The following NADK variants were observed in gnomAD, a reference collection of about 807,000 sequenced individuals.
The protein encoded by NADK is NAD kinase, also known as poly(P)/ATP NAD kinase.
A neutral mutation model predicts 49.8 loss-of-function variants in NADK; 22 were observed. The observed-to-expected ratio is 0.44, with a 90% CI of 0.32 to 0.63. The LOEUF is 0.63. Among genes scored for constraint, NADK ranks in the 30% least tolerant of loss-of-function variants. The probability of loss-of-function intolerance (pLI) is 0.06; values close to 1 mark genes in which losing one functional copy is unlikely to be tolerated. For missense variants in NADK, 438 were observed against 609.4 expected (o/e 0.72, Z 2.96); for synonymous variants, 268 against 253.7 (o/e 1.06, Z -0.54).
chr1:1,753,014 G>C lies in NADK; in HGVS notation c.1231C>G (p.Arg411Gly). 1.2e-6 allele frequency: 2 copies of C among 1,609,350 alleles called. No homozygotes were observed. Among genetic ancestry groups the C allele is most frequent in the Non-Finnish European group, 1.7e-6 (2 of 1,178,162 alleles). Residue 411 changes from arginine (R) to glycine (G), a missense_variant, in exon 12 of 12, where the codon CGG becomes GGG. Coordinates refer to ENST00000341426, the MANE Select transcript of NADK (RefSeq NM_023018.5). ...SCYPLPSICV[R>G]DPVSDWFESL... is the part of the protein sequence containing the mutation. ...TCAAACCAGTCGCTCACGGGGTCCC[G>C]CACACAGATGGAGGGGAGCGGGTAG...
At chr1:1,776,359 A>T (rs2100393938) in intron 1 of NADK, among the ~76,000 whole-genome samples, 1 of 152,320 alleles carries the variant, frequency 6.6e-6, no homozygotes, top group South Asian at 2.1e-4. Context: ...TAGCCTGGAA[A>T]TCTAACTGCT....
chr1:1,769,969 CAAAACA>C (rs143674742), intron 1 of NADK, among the ~76,000 whole-genome samples: 56,992 of 147,098 alleles, frequency 0.39, 11,252 homozygotes, highest in Middle Eastern at 0.5. Context: ...TCCCAGCACT[CAAAACA>C]AAAACAAAAA....
Position 1,757,172 on chromosome 1 carries a change from C to CCAG in NADK, c.393+8_393+9insCTG. The CCAG allele has an allele frequency of 1.9e-6, 3 of 1,608,952 alleles. No individual in the cohort carries two copies. The highest frequency in any genetic ancestry group is 2.5e-6 in the Non-Finnish European group (3 of 1,177,462). On this transcript the variant is annotated intron_variant, in intron 4 of 11. Coordinates refer to ENST00000341426, the MANE Select transcript of NADK (RefSeq NM_023018.5). Reference sequence around the variant, plus strand: ...CACCCCAGGCCCCCTTCCCCCCTGCCCCGCGTGCCTCCATGAGGTGCGTGC... The same window carrying CCAG: ...CACCCCAGGCCCCCTTCCCCCCTGCCCAGCCGCGTGCCTCCATGAGGTGCGTGC...
chr1:1,754,434 C>G lies in NADK; in HGVS notation c.844-51G>C. The G allele has an allele frequency of 1.2e-6, 2 of 1,609,340 alleles. No individual in the cohort carries two copies. Among genetic ancestry groups the G allele is most frequent in the Non-Finnish European group, 1.7e-6 (2 of 1,176,672 alleles). On this transcript the variant is annotated intron_variant, in intron 8 of 11. Coordinates refer to ENST00000341426, the MANE Select transcript of NADK (RefSeq NM_023018.5). The surrounding 1 kb of genome is among the most constrained non-coding windows in gnomAD (Gnocchi z 4.3). ...TCAGGGCGGGGGATGCCGCACGGCT[C>G]GCAGACACCCTCCGTCTCACCCAGC...
intron 4 of NADK, 118 bp downstream of exon 4, chr1:1,757,063 A>C: frequency 6.9e-7 from 1 of 1,445,200 alleles, no homozygotes; most frequent in South Asian, 1.2e-5. Flanking sequence ...AGTTCCAGAC[A>C]AGCAGCCGTT....
Position 1,776,612 on chromosome 1 carries a change from A to G in NADK, c.-41+1677T>C, listed in dbSNP as rs754426972. 1.2e-3 allele frequency among the ~76,000 whole-genome samples: 182 copies of G among 152,142 alleles called. 1 individual carries two copies. The highest frequency in any genetic ancestry group is 1.1e-3 in the Non-Finnish European group (76 of 67,990). On this transcript the variant is annotated intron_variant, in intron 1 of 11. Transcript: ENST00000341426. The stretch of plus-strand genomic sequence containing the variant: ...AACACAGTGAAACCCGTCTCTACTA[A>G]AAATACAAAAATTAGCTGAGCGTGG...
chr1:1,756,557 C>T lies in NADK; in HGVS notation c.445G>A (p.Ala149Thr), dbSNP rs200152611. 333 of 1,614,074 alleles carry T rather than the reference C, an allele frequency of 2.1e-4. 6 individuals are homozygous for T. In the South Asian group the frequency reaches 3.3e-3, roughly 16 times the overall value. ...ACTGCCCCAAAGCTTTCATCGCTGG[C>T]GATGGCAGGGTCTTCTAGCACTTTC... ...EKKVLEDPAI[A>T]SDESFGAVKK... The change falls in exon 5 of 12, where the codon GCC (alanine) becomes ACC (threonine). Residue 149 changes from alanine to threonine, a missense_variant. Coordinates refer to ENST00000341426, the MANE Select transcript of NADK (RefSeq NM_023018.5).
intron 1 of NADK, among the ~76,000 whole-genome samples, chr1:1,771,373 C>T (rs1237328044): frequency 6.6e-6 from 1 of 152,102 alleles, no homozygotes; most frequent in Non-Finnish European, 1.5e-5. Flanking sequence ...AAGCAGGCTT[C>T]TCTAAAGGAA....
rs1646265183 is a variant in NADK at position 1,778,110 on chromosome 1, GT to G, written c.-41+178del. On this transcript the variant is annotated intron_variant, in intron 1 of 11. Transcript: ENST00000341426. The surrounding 1 kb of genome is among the most constrained non-coding windows in gnomAD (Gnocchi z 4.9). The stretch of plus-strand genomic sequence containing the variant: ...CCAAGGCCGAGCCTCGCCCTGGGCC[GT>G]GCTGGTGCCCCATTCGGGACGGAGC... Among the ~76,000 whole-genome samples, 1 of 152,180 alleles carries G rather than the reference GT, an allele frequency of 6.6e-6. No individual in the cohort carries two copies. Among genetic ancestry groups the G allele is most frequent in the Non-Finnish European group, 1.5e-5 (1 of 68,022 alleles).
At chr1:1,755,302 A>AC (rs1557835251) in intron 7 of NADK, 72 bp downstream of exon 7, 8 of 1,055,234 alleles carry the variant, frequency 7.6e-6, no homozygotes, top group Non-Finnish European at 7.3e-6. Flanking sequence ...ATGAAAATAA[A>AC]CCCCCCGCAA....
At position 1,753,017 on chromosome 1, in the gene NADK, C is replaced by T; in HGVS notation, c.1228G>A (p.Val410Met). 1 of 1,610,652 alleles carries T rather than the reference C, an allele frequency of 6.2e-7. No individual in the cohort carries two copies. The highest frequency in any genetic ancestry group is 2.2e-5 in the East Asian group (1 of 44,774). ...AACCAGTCGCTCACGGGGTCCCGCA[C>T]ACAGATGGAGGGGAGCGGGTAGCAT... is the stretch of plus-strand genomic sequence containing the variant. The part of the protein sequence containing the change: ...TSCYPLPSIC[V>M]RDPVSDWFES... The change falls in exon 12 of 12, where the codon GTG (valine) becomes ATG (methionine). Residue 410 changes from valine (V) to methionine (M), a missense_variant. By Grantham distance (21) the Val-to-Met change is conservative. Transcript: ENST00000341426.
rs1645434824 is a variant in NADK, at chr1:1,754,257, G to A, written c.943+27C>T. ...CACTCCCGCCCGAGGGACGCTCAGGGCCCCAGGACAGTGCTGCGGGCCTTA... is the reference window on the plus strand; with the variant it reads ...CACTCCCGCCCGAGGGACGCTCAGGACCCCAGGACAGTGCTGCGGGCCTTA... On this transcript the variant is annotated intron_variant, in intron 9 of 11. Transcript: ENST00000341426. This position sits in a 1 kb window ranked among gnomAD's most constrained non-coding sequence, Gnocchi z 4.3. 6.2e-7 allele frequency: 1 copy of A among 1,613,380 alleles called. No homozygotes were observed. Among genetic ancestry groups the A allele is most frequent in the Non-Finnish European group, 8.5e-7 (1 of 1,179,892 alleles).
chr1:1,757,407 G>T (rs894898677), intron 3 of NADK, 97 bp from the exon 4 acceptor site: 1 of 1,168,172 alleles, frequency 8.6e-7, no homozygotes, highest in African/African-American at 1.5e-5. Flanking sequence ...CTTTAAAAAG[G>T]TGTTTTCACC....
Position 1,757,229 on chromosome 1 carries a change from ATC to A in NADK, c.343_344del (p.Asp115CysfsTer37). ...KSVLVIKKMR[D>X]ASLLQPFKEL... Reference sequence around the variant, plus strand: ...CCTTGAACGGCTGCAGTAGGCTGGCATCTCTCATCTTCTTGATGACAAGGACG... The same window carrying A: ...CCTTGAACGGCTGCAGTAGGCTGGCATCTCATCTTCTTGATGACAAGGACG... On this transcript the variant is annotated frameshift_variant, in exon 4 of 12. Transcript: ENST00000341426. LOFTEE classifies it high-confidence loss of function. 6.3e-7 allele frequency: 1 copy of A among 1,598,460 alleles called. No homozygotes were observed. Among genetic ancestry groups the A allele is most frequent in the Non-Finnish European group, 8.5e-7 (1 of 1,171,870 alleles).
In NADK at chr1:1,752,586, C is replaced by T. The variant is rs775090630; in HGVS notation, c.*318G>A. The T allele has an allele frequency of 6.9e-5, 19 of 275,298 alleles. No homozygotes were observed. The highest frequency in any genetic ancestry group is 1.0e-4 in the Non-Finnish European group (15 of 146,340). The allele number at this position is 275,298 out of a possible 1,614,324, so 17.1% of individuals were successfully genotyped here. A position where few individuals can be genotyped will look rare whatever the true frequency, so the allele number is the denominator to read the frequency against. ...CATTCTGACTCCTCTGAATTTCAAC[C>T]GACTGATTTGCGGAAAAATATCCTG... On this transcript the variant is annotated 3_prime_UTR_variant, in exon 12 of 12. Coordinates refer to ENST00000341426, the MANE Select transcript of NADK (RefSeq NM_023018.5).
chr1:1,757,273 T>C lies in NADK; in HGVS notation c.301A>G (p.Asn101Asp). 6.2e-7 allele frequency: 1 copy of C among 1,613,810 alleles called. No homozygotes were observed. Among genetic ancestry groups the C allele is most frequent in the Non-Finnish European group, 8.5e-7 (1 of 1,179,976 alleles). ...ACAAGGACGCTCTTTGGGGACTTGT[T>C]CCACGTCAGCCGCTGGCTCGCGGGG... ...QDPASQRLTWNKSPKSVLVIK... is the reference protein window; with the variant it reads ...QDPASQRLTWDKSPKSVLVIK... The change falls in exon 4 of 12, where the codon AAC becomes GAC. Residue 101 changes from asparagine (N) to aspartate (D), a missense_variant. Transcript: ENST00000341426.
intron 1 of NADK, among the ~76,000 whole-genome samples, chr1:1,776,380 G>A (rs1646210402): frequency 6.6e-6 from 1 of 152,130 alleles, no homozygotes; most frequent in African/African-American, 2.4e-5. Flanking sequence ...GACAGCAGTT[G>A]TTTCAAGAAG....
rs758836856 is a variant in NADK at position 1,756,643 on chromosome 1, G to A, written c.394-35C>T. ...AAGTGCCAACCTGCTCATTCCACCT[G>A]CAGACCCCACCCTCCTGCAGGGAGG... is the stretch of plus-strand genomic sequence containing the variant. On this transcript the variant is annotated intron_variant, in intron 4 of 11. Transcript: ENST00000341426. 34 of 1,613,322 alleles carry A rather than the reference G, an allele frequency of 2.1e-5. No homozygotes were observed. In the African/African-American group the frequency reaches 4.3e-4, roughly 20 times the overall value.
At chr1:1,774,211 T>C (rs1646141926) in intron 1 of NADK, among the ~76,000 whole-genome samples, 1 of 151,706 alleles carries the variant, frequency 6.6e-6, no homozygotes, top group Non-Finnish European at 1.5e-5. Flanking sequence ...TTAACAAGTA[T>C]CTCCAATACC....
Sources: gnomAD v4.1 joint callset for allele counts (sites outside exome capture counted in the v4.1 genomes callset) on GRCh38, gnomAD v4.1.1 for gene constraint, Gnocchi (gnomAD v3.1) non-coding constraint, MANE v1.5 for transcripts, NCBI Gene and HGNC (gene_info 2026-07-23, HGNC 2026-07-21) for gene names.